HLCS: variants seen among roughly 807,000 people sequenced by gnomAD.
HLCS encodes biotin--protein ligase.
HLCS carries 53 observed loss-of-function variants against 75.0 expected under a neutral mutation model. The ratio of observed to expected loss-of-function variants is 0.71; its 90% CI spans 0.57 to 0.89. HLCS has a LOEUF of 0.89. HLCS is among the 40% of genes least tolerant of loss of function. The pLI is 0.00. For synonymous variants in HLCS, 431 were observed against 428.6 expected (o/e 1.01, Z -0.07); for missense variants, 966 against 1,074.0 (o/e 0.90, Z 1.41).
intron 6 of HLCS, among the ~76,000 whole-genome samples, chr21:36,855,196 G>T (rs1478962189): frequency 6.6e-6 from 1 of 151,748 alleles, no homozygotes; most frequent in Admixed American, 6.6e-5. Flanking sequence ...TTGGTTTTTA[G>T]AATTATCTGT....
intron 5 of HLCS, among the ~76,000 whole-genome samples, chr21:36,925,692 T>C (rs2146471090): frequency 6.6e-6 from 1 of 152,214 alleles, no homozygotes; most frequent in African/African-American, 2.4e-5. Flanking sequence ...TCCCAGCCGG[T>C]CCTAACCCGC....
At chr21:36,808,129 A>G (rs888632900) in intron 6 of HLCS, among the ~76,000 whole-genome samples, 2 of 151,690 alleles carry the variant, frequency 1.3e-5, no homozygotes, top group African/African-American at 4.8e-5. Context: ...ATTTTCTTTG[A>G]TGCATTTTTC....
chr21:36,841,174 A>C (rs2062602611), intron 6 of HLCS, among the ~76,000 whole-genome samples: 2 of 152,222 alleles, frequency 1.3e-5, no homozygotes, highest in Non-Finnish European at 2.9e-5. Context: ...GGTATTTCTT[A>C]ATTTGCTAAA....
At chr21:36,841,416 A>C (rs2062610092) in intron 6 of HLCS, among the ~76,000 whole-genome samples, 1 of 152,212 alleles carries the variant, frequency 6.6e-6, no homozygotes, top group Admixed American at 6.5e-5. Flanking sequence ...TACTGCTCTA[A>C]GAGTAAAATG....
At chr21:36,902,964 A>G (rs2065300143) in intron 5 of HLCS, among the ~76,000 whole-genome samples, 1 of 152,174 alleles carries the variant, frequency 6.6e-6, no homozygotes, top group Non-Finnish European at 1.5e-5. Flanking sequence ...ACTGCTGGAG[A>G]CAGGAAGATA....
chr21:36,877,508 T>C (rs909165789), intron 6 of HLCS, among the ~76,000 whole-genome samples: 2 of 152,192 alleles, frequency 1.3e-5, no homozygotes, highest in Non-Finnish European at 2.9e-5. Flanking sequence ...GCAGAAATGT[T>C]ACAATCTTAT....
chr21:36,892,506 G>A (rs1389603142), intron 6 of HLCS, among the ~76,000 whole-genome samples: 8 of 152,122 alleles, frequency 5.3e-5, no homozygotes, highest in South Asian at 4.1e-4. Context: ...AGGTACATCC[G>A]GCCCTAAAAG....
At chr21:36,860,817 AG>A (rs1453779818) in intron 6 of HLCS, among the ~76,000 whole-genome samples, 2 of 152,234 alleles carry the variant, frequency 1.3e-5, no homozygotes, top group Non-Finnish European at 2.9e-5. Context: ...TAAACGCCTC[AG>A]CGGTTCAGAT....
intron 6 of HLCS, among the ~76,000 whole-genome samples, chr21:36,888,443 AAAATATATATAT>A (rs1487056448): frequency 0.02 from 554 of 28,294 alleles, 20 homozygotes; most frequent in Non-Finnish European, 0.029. Context: ...AAAAAAAAAA[AAAATATATATAT>A]ATATATATAT....
chr21:36,877,019 T>C (rs554060004), intron 6 of HLCS, among the ~76,000 whole-genome samples: 9 of 152,372 alleles, frequency 5.9e-5, no homozygotes, highest in Non-Finnish European at 1.2e-4. Context: ...CCATCTTTTG[T>C]ACTTCTTTGT....
At chr21:36,894,492 C>T (rs1163512807) in intron 6 of HLCS, among the ~76,000 whole-genome samples, 1 of 152,142 alleles carries the variant, frequency 6.6e-6, no homozygotes, top group Non-Finnish European at 1.5e-5. Context: ...CTCCCCGCGC[C>T]AGGAATTTCT....
intron 6 of HLCS, among the ~76,000 whole-genome samples, chr21:36,811,868 G>T (rs973467946): frequency 1.3e-5 from 2 of 152,180 alleles, no homozygotes; most frequent in African/African-American, 4.8e-5. Context: ...TGCAGCGGCT[G>T]CTGTGACCAG....
chr21:36,808,157 T>C (rs1239633238), intron 6 of HLCS, among the ~76,000 whole-genome samples: 1 of 152,204 alleles, frequency 6.6e-6, no homozygotes, highest in Non-Finnish European at 1.5e-5. Flanking sequence ...CATGGGTGAC[T>C]ATATCATTGT....
At chr21:36,823,912 A>G (rs2061928390) in intron 6 of HLCS, among the ~76,000 whole-genome samples, 1 of 152,188 alleles carries the variant, frequency 6.6e-6, no homozygotes, top group Non-Finnish European at 1.5e-5. Flanking sequence ...TAGCACCAAG[A>G]GAAACCAAAC....
At chr21:36,902,489 G>A (rs76194177) in intron 5 of HLCS, among the ~76,000 whole-genome samples, 5,047 of 152,258 alleles carry the variant, frequency 0.033, 294 homozygotes, top group African/African-American at 0.12. Context: ...GGCCCTTGCC[G>A]GTTGCACAGC....
chr21:36,785,069 G>C (rs1287592872), intron 6 of HLCS, among the ~76,000 whole-genome samples: 1 of 152,088 alleles, frequency 6.6e-6, no homozygotes, highest in African/African-American at 2.4e-5. Context: ...CGCCTTCGGG[G>C]TAATGACAAG....
intron 5 of HLCS, among the ~76,000 whole-genome samples, chr21:36,911,350 A>C (rs1165459534): frequency 6.6e-6 from 1 of 152,118 alleles, no homozygotes; most frequent in East Asian, 1.9e-4. Context: ...TGGGGCCCTG[A>C]TGATGCGTCC....
chr21:36,802,045 A>G (rs1338219073), intron 6 of HLCS, among the ~76,000 whole-genome samples: 1 of 152,214 alleles, frequency 6.6e-6, no homozygotes, highest in East Asian at 1.9e-4. Flanking sequence ...CAACTATTTT[A>G]TACACTAACA....
intron 6 of HLCS, among the ~76,000 whole-genome samples, chr21:36,821,860 G>A (rs73902736): frequency 0.036 from 5,481 of 152,088 alleles, 146 homozygotes; most frequent in African/African-American, 0.074. Context: ...TGAGACTTGT[G>A]GCTAAAATGG....
Sources: allele counts gnomAD v4.1 joint callset (sites outside exome capture counted in the v4.1 genomes callset), GRCh38; gene constraint gnomAD v4.1.1; transcripts MANE v1.5; gene names NCBI Gene and HGNC (gene_info 2026-07-23, HGNC 2026-07-21).